GPR158: variants seen among roughly 807,000 people sequenced by gnomAD.
GPR158 encodes metabotropic glycine receptor.
In GPR158, 30 loss-of-function variants were observed where a neutral mutation model predicts 78.2. That is an observed-to-expected ratio of 0.38 (90% CI 0.29 to 0.52). GPR158 has a LOEUF of 0.52. Ranked by LOEUF, GPR158 falls within the 20% of genes least tolerant of loss-of-function variation. The pLI is 0.83. For missense variants in GPR158, 1,463 were observed against 1,523.5 expected, an observed-to-expected ratio of 0.96 and a Z score of 0.66; for synonymous variants, 581 against 591.1, an observed-to-expected ratio of 0.98 and a Z score of 0.25.
intron 1 of GPR158, among the ~76,000 whole-genome samples, chr10:25,199,955 G>A (rs1464028632): frequency 2.0e-5 from 3 of 152,160 alleles, no homozygotes; most frequent in African/African-American, 7.2e-5. Context: ...TTGCTATTGT[G>A]AATAGTGCTG....
intron 2 of GPR158, among the ~76,000 whole-genome samples, chr10:25,343,520 T>C (rs1250215271): frequency 6.6e-6 from 1 of 152,022 alleles, no homozygotes; most frequent in African/African-American, 2.4e-5. Context: ...TCTTTCCAGT[T>C]TGTTCATAAA....
chr10:25,429,214 T>A (rs1472586121), intron 4 of GPR158, among the ~76,000 whole-genome samples: 1 of 152,102 alleles, frequency 6.6e-6, no homozygotes, highest in African/African-American at 2.4e-5. Context: ...CAGGTGCCTT[T>A]CCCTAATTAT....
chr10:25,366,137 GTT>G (rs936711962), intron 2 of GPR158, among the ~76,000 whole-genome samples: 3 of 111,826 alleles, frequency 2.7e-5, no homozygotes, highest in African/African-American at 1.3e-4. Flanking sequence ...ACAAACTTTT[GTT>G]TTTGTTTTTG....
intron 2 of GPR158, among the ~76,000 whole-genome samples, chr10:25,324,385 C>T (rs1297675587): frequency 6.6e-6 from 1 of 152,126 alleles, no homozygotes; most frequent in Non-Finnish European, 1.5e-5. Context: ...AGAGAGGCCC[C>T]AGGAGTGAGG....
At chr10:25,305,576 C>A (rs1015629555) in intron 2 of GPR158, among the ~76,000 whole-genome samples, 3 of 152,036 alleles carry the variant, frequency 2.0e-5, no homozygotes, top group Non-Finnish European at 2.9e-5. Context: ...GAAGGAGATG[C>A]CTGTGTTGTG....
intron 5 of GPR158, among the ~76,000 whole-genome samples, chr10:25,515,476 G>A (rs572549371): frequency 1.2e-3 from 169 of 142,466 alleles, no homozygotes; most frequent in African/African-American, 4.2e-3. Context: ...CCACTAACTC[G>A]TCATCTAGCA....
chr10:25,467,001 C>T (rs969158664), intron 5 of GPR158, among the ~76,000 whole-genome samples: 2 of 152,174 alleles, frequency 1.3e-5, no homozygotes, highest in Non-Finnish European at 2.9e-5. Flanking sequence ...TGGCCCCTGA[C>T]ACAGCCCTCA....
chr10:25,292,290 T>G (rs1330513068), intron 2 of GPR158, among the ~76,000 whole-genome samples: 1 of 152,124 alleles, frequency 6.6e-6, no homozygotes, highest in South Asian at 2.1e-4. Flanking sequence ...ATGAATCAGT[T>G]TTCTATAATG....
chr10:25,590,351 A>C (rs1231957652), intron 8 of GPR158, among the ~76,000 whole-genome samples: 1 of 152,136 alleles, frequency 6.6e-6, no homozygotes. Context: ...AGAGGAGAGA[A>C]AGACATTAGA....
In GPR158 at chr10:25,350,200, G is replaced by T. The variant is rs576066053; in HGVS notation, c.1009-45711G>T. 2.6e-5 allele frequency among the ~76,000 whole-genome samples: 4 copies of T among 152,034 alleles called. No homozygotes were observed. In the South Asian group the frequency reaches 8.3e-4, roughly 32 times the overall value. On this transcript the variant is annotated intron_variant, in intron 2 of 10. Coordinates refer to ENST00000376351, the MANE Select transcript of GPR158 (RefSeq NM_020752.3). Reference sequence around the variant, plus strand: ...ACTTACAAATATCAGTAAGGCATGGGATGGGAGGGGCAACCCCATTCATTA... The same window carrying T: ...ACTTACAAATATCAGTAAGGCATGGTATGGGAGGGGCAACCCCATTCATTA...
At chr10:25,308,380 T>C (rs7905718) in intron 2 of GPR158, among the ~76,000 whole-genome samples, 30,719 of 152,002 alleles carry the variant, frequency 0.2, 5,235 homozygotes, top group African/African-American at 0.47. Flanking sequence ...TCCCTCCCAC[T>C]TGTGAGAACA....
At chr10:25,525,307 C>A (rs563937058) in intron 5 of GPR158, among the ~76,000 whole-genome samples, 47 of 152,250 alleles carry the variant, frequency 3.1e-4, no homozygotes, top group African/African-American at 1.1e-3. Flanking sequence ...AAGCATATGT[C>A]CACAAAAACA....
intron 7 of GPR158, among the ~76,000 whole-genome samples, chr10:25,586,346 T>C (rs1484438910): frequency 6.6e-6 from 1 of 151,742 alleles, no homozygotes; most frequent in Non-Finnish European, 1.5e-5. Context: ...AAGGTCTTCC[T>C]TTGGGACAGG....
At chr10:25,430,475 T>G (rs1230599071) in intron 4 of GPR158, among the ~76,000 whole-genome samples, 2 of 147,882 alleles carry the variant, frequency 1.4e-5, no homozygotes, top group Non-Finnish European at 3.0e-5. Context: ...CCCATCGAGC[T>G]ACCAATGACT....
intron 2 of GPR158, among the ~76,000 whole-genome samples, chr10:25,342,144 A>G (rs537085934): frequency 1.3e-5 from 2 of 152,058 alleles, no homozygotes; most frequent in Non-Finnish European, 2.9e-5. Flanking sequence ...AGCATGCTGA[A>G]TTAATCACCA....
intron 2 of GPR158, among the ~76,000 whole-genome samples, chr10:25,294,367 T>G (rs1192282988): frequency 6.6e-5 from 10 of 152,194 alleles, no homozygotes; most frequent in Non-Finnish European, 1.3e-4. Context: ...TTTATTGTAA[T>G]TAAAAATAAA....
intron 2 of GPR158, among the ~76,000 whole-genome samples, chr10:25,307,743 A>G (rs1338420407): frequency 4.6e-5 from 7 of 152,066 alleles, no homozygotes; most frequent in African/African-American, 1.4e-4. Context: ...GTTCTTCTTT[A>G]TACTTGTCTA....
At chr10:25,538,062 T>C (rs1419091254) in intron 5 of GPR158, among the ~76,000 whole-genome samples, 1 of 152,068 alleles carries the variant, frequency 6.6e-6, no homozygotes, top group Non-Finnish European at 1.5e-5. Context: ...CAATACAAAA[T>C]GAAAAAAATT....
intron 2 of GPR158, among the ~76,000 whole-genome samples, chr10:25,333,463 T>C (rs1228666196): frequency 6.6e-6 from 1 of 152,154 alleles, no homozygotes; most frequent in African/African-American, 2.4e-5. Flanking sequence ...ATGTGAACTT[T>C]AGAAGAGTTT....
Sources: allele counts gnomAD v4.1 joint callset (sites outside exome capture counted in the v4.1 genomes callset), GRCh38; gene constraint gnomAD v4.1.1; transcripts MANE v1.5; gene names NCBI Gene and HGNC (gene_info 2026-07-23, HGNC 2026-07-21).